SCN2A: variants seen among roughly 807,000 people sequenced by gnomAD.
The protein encoded by SCN2A is sodium channel protein type 2 subunit alpha.
Under a neutral mutation model 188.7 loss-of-function variants are expected in SCN2A, and 20 were observed. The ratio of observed to expected loss-of-function variants is 0.11; its 90% CI spans 0.07 to 0.15. The LOEUF is 0.15. Among genes scored for constraint, SCN2A ranks in the 10% least tolerant of loss-of-function variants. The pLI is 1.00. For missense variants in SCN2A, 1,278 were observed against 2,445.0 expected, an observed-to-expected ratio of 0.52 and a Z score of 10.07; for synonymous variants, 804 against 833.1, an observed-to-expected ratio of 0.97 and a Z score of 0.60.
chr2:165,378,765 G>A (rs887209923), intron 23 of SCN2A, among the ~76,000 whole-genome samples: 2 of 148,106 alleles, frequency 1.4e-5, no homozygotes, highest in South Asian at 2.1e-4. Flanking sequence ...GACCTTTTCC[G>A]CTGCAAAACT....
intron 8 of SCN2A, 56 bp downstream of exon 8, chr2:165,312,144 C>T (rs1024442274): frequency 1.6e-6 from 2 of 1,264,408 alleles, no homozygotes; most frequent in African/African-American, 1.5e-5. Context: ...GTGTCAATAA[C>T]CTGCCACCTC....
intron 1 of SCN2A, chr2:165,269,015 A>C (rs980430282): frequency 1.3e-5 from 2 of 151,920 alleles, no homozygotes; most frequent in African/African-American, 4.8e-5. Flanking sequence ...GGAGGAATGG[A>C]AAATGTTGGT....
At chr2:165,336,975 G>T (rs1427344709) in intron 14 of SCN2A, among the ~76,000 whole-genome samples, 1 of 151,848 alleles carries the variant, frequency 6.6e-6, no homozygotes, top group Non-Finnish European at 1.5e-5. Flanking sequence ...GATTAAAGCG[G>T]TACATAGAAA....
At chr2:165,338,566 T>G (rs1699140579) in intron 14 of SCN2A, among the ~76,000 whole-genome samples, 1 of 152,020 alleles carries the variant, frequency 6.6e-6, no homozygotes, top group Non-Finnish European at 1.5e-5. Context: ...GGCCAGAACA[T>G]TTTATCTAAA....
chr2:165,343,536 C>G (rs1273363633), intron 15 of SCN2A, among the ~76,000 whole-genome samples: 1 of 152,160 alleles, frequency 6.6e-6, no homozygotes, highest in Non-Finnish European at 1.5e-5. Flanking sequence ...GTGTCAGGCT[C>G]TTTTGCATAA....
rs187436075 is a variant in SCN2A, at chr2:165,245,839, G to T, written c.-52+6199G>T. On this transcript the variant is annotated intron_variant, in intron 1 of 26. Transcript: ENST00000375437. ...CAGTCTATTCAATTAAATTGTTCAT[G>T]ATTTTGTTGCCTAAGTGTTAGAAAG... Among the ~76,000 whole-genome samples the T allele has an allele frequency of 2.4e-3, 364 of 152,314 alleles. 1 individual carries two copies. The highest frequency in any genetic ancestry group is 1.5e-3 in the Non-Finnish European group (102 of 68,024).
chr2:165,280,323 G>A (rs1207871113), intron 1 of SCN2A, among the ~76,000 whole-genome samples: 1 of 152,002 alleles, frequency 6.6e-6, no homozygotes, highest in Non-Finnish European at 1.5e-5. Context: ...AAGCACTAGC[G>A]ATAGAGTAAA....
chr2:165,308,828 A>G, intron 5 of SCN2A, 34 bp downstream of exon 5: 2 of 1,611,496 alleles, frequency 1.2e-6, no homozygotes, highest in Non-Finnish European at 1.7e-6. Context: ...ATCCTGGAAG[A>G]GTAAATCACT....
intron 1 of SCN2A, among the ~76,000 whole-genome samples, chr2:165,283,172 G>T (rs1695657853): frequency 1.3e-5 from 2 of 152,018 alleles, no homozygotes; most frequent in African/African-American, 4.8e-5. Flanking sequence ...TAGGAAAAAA[G>T]AAGAAAAAGG....
intron 3 of SCN2A, among the ~76,000 whole-genome samples, chr2:165,298,192 A>G (rs1042035211): frequency 5.9e-5 from 9 of 152,218 alleles, no homozygotes; most frequent in African/African-American, 2.2e-4. Context: ...GTTGCTTGGA[A>G]TTCCATGATG....
intron 1 of SCN2A, chr2:165,294,033 A>G: frequency 4.3e-6 from 4 of 930,854 alleles, no homozygotes; most frequent in South Asian, 5.0e-5. Context: ...AAAAAAAAAA[A>G]AAAAAGATTT....
At chr2:165,245,817 T>G (rs1693819293) in intron 1 of SCN2A, among the ~76,000 whole-genome samples, 1 of 152,230 alleles carries the variant, frequency 6.6e-6, no homozygotes, top group Non-Finnish European at 1.5e-5. Flanking sequence ...ATTTAATCAG[T>G]CTATTCAATT....
intron 1 of SCN2A, among the ~76,000 whole-genome samples, chr2:165,264,172 AT>A (rs777855310): frequency 6.6e-6 from 1 of 152,040 alleles, no homozygotes; most frequent in Non-Finnish European, 1.5e-5. Flanking sequence ...AAAACTTCCA[AT>A]ACTATGTTGA....
intron 1 of SCN2A, chr2:165,293,939 G>A: frequency 6.2e-6 from 6 of 961,056 alleles, no homozygotes; most frequent in Non-Finnish European, 7.3e-6. Context: ...CCCTGTACAG[G>A]AAATGCCTCT....
At chr2:165,244,588 A>G (rs1215073253) in intron 1 of SCN2A, among the ~76,000 whole-genome samples, 1 of 152,214 alleles carries the variant, frequency 6.6e-6, no homozygotes, top group Non-Finnish European at 1.5e-5. Context: ...GTATTTAAGT[A>G]TATTTTATTT....
At chr2:165,309,318 G>C in intron 5 of SCN2A, 34 bp from the exon 6 acceptor site, 4 of 1,613,530 alleles carry the variant, frequency 2.5e-6, no homozygotes, top group Non-Finnish European at 3.4e-6. Flanking sequence ...CTTGTGTTCT[G>C]TCATTGTGTT....
intron 20 of SCN2A, chr2:165,371,777 A>T (rs1701042216): frequency 6.6e-6 from 1 of 152,138 alleles, no homozygotes; most frequent in Non-Finnish European, 1.5e-5. Flanking sequence ...ACATATAGGG[A>T]AGTGACAAGA....
chr2:165,266,547 T>G (rs1174891577), intron 1 of SCN2A: 1 of 152,106 alleles, frequency 6.6e-6, no homozygotes, highest in Non-Finnish European at 1.5e-5. Flanking sequence ...CTTCTGCAAC[T>G]CCTTCTCGAT....
chr2:165,264,824 T>C (rs1402692736), intron 1 of SCN2A, among the ~76,000 whole-genome samples: 2 of 152,184 alleles, frequency 1.3e-5, no homozygotes, highest in African/African-American at 4.8e-5. Flanking sequence ...GGCTGCATAA[T>C]ATTCTGTGTT....
Sources: gnomAD v4.1 joint callset for allele counts (sites outside exome capture counted in the v4.1 genomes callset) on GRCh38, gnomAD v4.1.1 for gene constraint, MANE v1.5 for transcripts, NCBI Gene and HGNC (gene_info 2026-07-23, HGNC 2026-07-21) for gene names.